RBBP4: variants seen among roughly 807,000 people sequenced by gnomAD.
The protein encoded by RBBP4 is RB binding protein 4, chromatin remodeling factor.
In RBBP4, 3 loss-of-function variants were observed where a neutral mutation model predicts 57.2. The ratio of observed to expected loss-of-function variants is 0.05; its 90% CI spans 0.02 to 0.14. The LOEUF (loss-of-function observed/expected upper bound fraction) is 0.14, where lower values mean the gene tolerates loss of function less well. RBBP4 is among the 10% of genes least tolerant of loss of function. RBBP4 has a pLI of 1.00. For synonymous variants in RBBP4, 151 were observed against 171.5 expected (o/e 0.88, Z 0.93); for missense variants, 107 against 520.6 (o/e 0.21, Z 7.73).
At chr1:32,666,511 GACGCCCAGC>G in intron 3 of RBBP4, among the ~76,000 whole-genome samples, 1 of 151,858 alleles carries the variant, frequency 6.6e-6, no homozygotes, top group South Asian at 2.1e-4. Flanking sequence ...CGCCTGCCAC[GACGCCCAGC>G]TAATTTTTGT....
intron 5 of RBBP4, 57 bp from the exon 6 acceptor site, chr1:32,668,915 G>A: frequency 1.2e-6 from 2 of 1,612,326 alleles, no homozygotes; most frequent in South Asian, 1.1e-5. Context: ...TTCTTTTTTG[G>A]GGTGTGTGGG....
Position 32,669,281 on chromosome 1 carries a change from C to T in RBBP4, c.812C>T (p.Ala271Val). The change falls in exon 7 of 12, where the codon GCT (alanine) becomes GTT (valine). Residue 271 changes from alanine (A) to valine (V), a missense_variant. Physicochemically the swap from Ala to Val is moderately conservative, Grantham distance 64. Coordinates refer to ENST00000373493, the MANE Select transcript of RBBP4 (RefSeq NM_005610.3). The surrounding 1 kb of genome is among the most constrained non-coding windows in gnomAD (Gnocchi z 4.9). ...NTSKPSHSVD[A>V]HTAEVNCLSF... is the part of the protein sequence containing the mutation. ...TCCAAACCAAGCCACTCAGTTGATG[C>T]TCACACTGCTGAAGTGAACTGCCTT... 1 of 1,612,792 alleles carries T rather than the reference C, an allele frequency of 6.2e-7. No homozygotes were observed. Among genetic ancestry groups the T allele is most frequent in the South Asian group, 1.1e-5 (1 of 91,008 alleles).
rs1649305431 is a variant in RBBP4, at chr1:32,679,891, AG to A, written c.*187del. The stretch of plus-strand genomic sequence containing the variant: ...TTAATAGGGGGGCTTGATTCAACAA[AG>A]CCACAGACTTAACGTTGAAATTTTC... On this transcript the variant is annotated 3_prime_UTR_variant, in exon 12 of 12. Transcript: ENST00000373493. The A allele has an allele frequency of 1.5e-6, 2 of 1,309,162 alleles. No homozygotes were observed. Among genetic ancestry groups the A allele is most frequent in the Middle Eastern group, 2.9e-4 (1 of 3,460 alleles). The allele number at this position is 1,309,162 out of a possible 1,614,324, so 81.1% of individuals were successfully genotyped here. A position where few individuals can be genotyped will look rare whatever the true frequency, so the allele number is the denominator to read the frequency against.
chr1:32,678,258 G>T (rs1346045004), intron 11 of RBBP4, among the ~76,000 whole-genome samples: 1 of 152,088 alleles, frequency 6.6e-6, no homozygotes, highest in African/African-American at 2.4e-5. Context: ...TTTAGACGAA[G>T]TCTTGCCCCC....
intron 11 of RBBP4, among the ~76,000 whole-genome samples, chr1:32,674,250 G>A (rs1395791867): frequency 1.3e-5 from 2 of 152,136 alleles, no homozygotes; most frequent in African/African-American, 2.4e-5. Flanking sequence ...ATTTGGAGGT[G>A]GAAGACAGTT....
At chr1:32,656,524 G>A (rs2148517104) in intron 2 of RBBP4, among the ~76,000 whole-genome samples, 1 of 152,240 alleles carries the variant, frequency 6.6e-6, no homozygotes, top group African/African-American at 2.4e-5. Flanking sequence ...GCTAATTTTT[G>A]TATTTTTAGT....
chr1:32,654,019 G>A (rs1402721011), intron 2 of RBBP4, among the ~76,000 whole-genome samples: 3 of 152,000 alleles, frequency 2.0e-5, no homozygotes, highest in African/African-American at 4.8e-5. Context: ...AATTGCTTGG[G>A]GAATTCAGGA....
rs759257943 is a variant in RBBP4 at position 32,657,582 on chromosome 1, T to C, written c.310+10T>C. 6.2e-6 allele frequency: 10 copies of C among 1,612,744 alleles called. No homozygotes were observed. The East Asian group carries it at 1.6e-4, about 25-fold the overall frequency. On this transcript the variant is annotated intron_variant, in intron 3 of 11. Transcript: ENST00000373493. ...GACAGTGAGAAAGGAGGTAGGAATCTTAAAGGTGAAAGAAGTAAAGATGTG... is the reference window on the plus strand; with the variant it reads ...GACAGTGAGAAAGGAGGTAGGAATCCTAAAGGTGAAAGAAGTAAAGATGTG...
intron 11 of RBBP4, among the ~76,000 whole-genome samples, chr1:32,674,289 A>G (rs1649002030): frequency 7.5e-6 from 1 of 133,302 alleles, no homozygotes. Context: ...GCTACAGTGC[A>G]GTGGTGCGAT....
intron 2 of RBBP4, among the ~76,000 whole-genome samples, chr1:32,653,949 C>T (rs192520483): frequency 7.0e-4 from 106 of 152,160 alleles, no homozygotes; most frequent in Admixed American, 6.9e-3. Flanking sequence ...TGAGCCACCG[C>T]GCCCGGCCTA....
At chr1:32,671,987 A>AT (rs963586563) in intron 8 of RBBP4, among the ~76,000 whole-genome samples, 45 of 147,732 alleles carry the variant, frequency 3.0e-4, no homozygotes, top group South Asian at 8.7e-4. Flanking sequence ...TTTTGTAAAC[A>AT]TTTTTTTTTT....
rs1332134557 is a variant in RBBP4 at position 32,682,492 on chromosome 1, G to T, written c.*2787G>T. 1 of 152,118 alleles carries T rather than the reference G, an allele frequency of 6.6e-6. No individual in the cohort carries two copies. The highest frequency in any genetic ancestry group is 1.9e-4 in the East Asian group (1 of 5,180). 9.4% of individuals were successfully genotyped at this position (152,118 alleles called of 1,614,324 possible). A position where few individuals can be genotyped will look rare whatever the true frequency, so the allele number is the denominator to read the frequency against. On this transcript the variant is annotated 3_prime_UTR_variant, in exon 12 of 12. Transcript: ENST00000373493. Reference sequence around the variant, plus strand: ...AAAAAGCAACAATAGTTACTTGTGGGCCAGGCGCGGTGGTTCACGCCTGTA... The same window carrying T: ...AAAAAGCAACAATAGTTACTTGTGGTCCAGGCGCGGTGGTTCACGCCTGTA...
intron 2 of RBBP4, 98 bp from the exon 3 acceptor site, chr1:32,657,328 AC>A: frequency 8.3e-7 from 1 of 1,208,264 alleles, no homozygotes; most frequent in Non-Finnish European, 1.2e-6. Context: ...CTCTCTTAAA[AC>A]CTGGTTGTAT....
chr1:32,659,355 G>A (rs1648301325), intron 3 of RBBP4, among the ~76,000 whole-genome samples: 1 of 151,840 alleles, frequency 6.6e-6, no homozygotes, highest in African/African-American at 2.4e-5. Context: ...GAGGTCAGGA[G>A]TTCAAGACCA....
At chr1:32,666,510 C>G (rs1241436589) in intron 3 of RBBP4, among the ~76,000 whole-genome samples, 2 of 152,070 alleles carry the variant, frequency 1.3e-5, no homozygotes, top group African/African-American at 4.8e-5. Context: ...GCGCCTGCCA[C>G]GACGCCCAGC....
In RBBP4 at chr1:32,683,805, G is replaced by A. The variant is rs1047521913; in HGVS notation, c.*4100G>A. The A allele has an allele frequency of 9.2e-6, 5 of 543,148 alleles. No individual in the cohort carries two copies. The African/African-American group carries it at 9.5e-5, about 10-fold the overall frequency. The allele number at this position is 543,148 out of a possible 1,614,324, so 33.6% of individuals were successfully genotyped here. On this transcript the variant is annotated 3_prime_UTR_variant, in exon 12 of 12. Coordinates refer to ENST00000373493, the MANE Select transcript of RBBP4 (RefSeq NM_005610.3). ...CTGCCACTATGCCCGGCTAATTTTT[G>A]TATTTTTAGTGGAGATGGAGTTTTG...
At chr1:32,667,914 GA>G (rs898278308) in intron 3 of RBBP4, among the ~76,000 whole-genome samples, 2 of 152,152 alleles carry the variant, frequency 1.3e-5, no homozygotes, top group African/African-American at 2.4e-5. Flanking sequence ...GGATAATGAT[GA>G]GGGGGAAATC....
At chr1:32,664,392 CTG>C (rs1278150699) in intron 3 of RBBP4, among the ~76,000 whole-genome samples, 1 of 152,154 alleles carries the variant, frequency 6.6e-6, no homozygotes, top group African/African-American at 2.4e-5. Flanking sequence ...TCTGTGCCAA[CTG>C]TGGCTTCTCC....
Position 32,681,944 on chromosome 1 carries a change from G to T in RBBP4, c.*2239G>T. 1 of 1,277,268 alleles carries T rather than the reference G, an allele frequency of 7.8e-7. No individual in the cohort carries two copies. The allele number at this position is 1,277,268 out of a possible 1,614,324, so 79.1% of individuals were successfully genotyped here. ...GCTTTGTTGAGAAGAGATTGTTACA[G>T]TGTGATTTATGGATGATCAGGGATG... is the stretch of plus-strand genomic sequence containing the variant. On this transcript the variant is annotated 3_prime_UTR_variant, in exon 12 of 12. Coordinates refer to ENST00000373493, the MANE Select transcript of RBBP4 (RefSeq NM_005610.3).
Sources: allele counts gnomAD v4.1 joint callset (sites outside exome capture counted in the v4.1 genomes callset), GRCh38; gene constraint gnomAD v4.1.1; non-coding constraint Gnocchi (gnomAD v3.1); transcripts MANE v1.5; gene names NCBI Gene and HGNC (gene_info 2026-07-23, HGNC 2026-07-21).